GALNTL6: variants seen among roughly 807,000 people sequenced by gnomAD.
The protein encoded by GALNTL6 is polypeptide N-acetylgalactosaminyltransferase-like 6.
GALNTL6 carries 46 observed loss-of-function variants against 73.7 expected under a neutral mutation model. The observed-to-expected ratio is 0.62, with a 90% CI of 0.49 to 0.80. GALNTL6 has a LOEUF of 0.80. Among genes scored for constraint, GALNTL6 ranks in the 30% least tolerant of loss-of-function variants. GALNTL6 has a pLI of 0.00. For missense variants in GALNTL6, 604 were observed against 755.0 expected, an observed-to-expected ratio of 0.80 and a Z score of 2.34; for synonymous variants, 259 against 263.7, an observed-to-expected ratio of 0.98 and a Z score of 0.17.
chr4:171,813,692 C>A lies in GALNTL6; in HGVS notation c.-468C>A, dbSNP rs958093459. 1 of 152,320 alleles carries A rather than the reference C, an allele frequency of 6.6e-6. No individual in the cohort carries two copies. The highest frequency in any genetic ancestry group is 1.5e-5 in the Non-Finnish European group (1 of 68,174). The allele number at this position is 152,320 out of a possible 1,614,324, so 9.4% of individuals were successfully genotyped here. ...GTGAGAGCGTCACCGGGGGAAGGGA[C>A]GAGATTGATGGGCAGAGCGCTCACT... On this transcript the variant is annotated 5_prime_UTR_variant, in exon 1 of 13. Transcript: ENST00000506823. This position sits in a 1 kb window ranked among gnomAD's most constrained non-coding sequence, Gnocchi z 5.2.
intron 2 of GALNTL6, among the ~76,000 whole-genome samples, chr4:172,071,768 G>A (rs1731538278): frequency 2.4e-5 from 1 of 41,294 alleles, no homozygotes; most frequent in Admixed American, 2.6e-4. Flanking sequence ...AGGCGGAAGA[G>A]TGGGAAAGCT....
intron 10 of GALNTL6, among the ~76,000 whole-genome samples, chr4:173,001,010 T>C (rs1039075083): frequency 1.3e-5 from 2 of 152,156 alleles, no homozygotes; most frequent in African/African-American, 4.8e-5. Flanking sequence ...TCCAATATGA[T>C]TGGTGTCTTC....
At chr4:172,480,290 G>A (rs1733398576) in intron 5 of GALNTL6, among the ~76,000 whole-genome samples, 1 of 151,722 alleles carries the variant, frequency 6.6e-6, no homozygotes, top group African/African-American at 2.4e-5. Context: ...TCCAGCCTAG[G>A]CAACAGGGCG....
At chr4:172,057,719 AAAAAAAAAATATATAT>A (rs1345727429) in intron 2 of GALNTL6, among the ~76,000 whole-genome samples, 1 of 61,132 alleles carries the variant, frequency 1.6e-5, no homozygotes, top group African/African-American at 5.4e-5. Flanking sequence ...AAAAAAAAAA[AAAAAAAAAATATATAT>A]ATATATATAT....
chr4:171,930,429 C>T (rs1437592649), intron 2 of GALNTL6, among the ~76,000 whole-genome samples: 2 of 152,266 alleles, frequency 1.3e-5, no homozygotes, highest in East Asian at 3.9e-4. Flanking sequence ...AAGAAAGAGT[C>T]TCAACAAAGT....
At chr4:171,993,538 A>C (rs544400831) in intron 2 of GALNTL6, among the ~76,000 whole-genome samples, 1 of 152,266 alleles carries the variant, frequency 6.6e-6, no homozygotes, top group South Asian at 2.1e-4. Context: ...TTTTAACAAT[A>C]GATCAATTCT....
At chr4:172,659,895 A>G (rs547845142) in intron 5 of GALNTL6, among the ~76,000 whole-genome samples, 11 of 151,496 alleles carry the variant, frequency 7.3e-5, no homozygotes, top group South Asian at 2.1e-4. Context: ...CTGAAGATCA[A>G]CCCCCACAAT....
chr4:172,409,459 T>A (rs1295803692), intron 5 of GALNTL6, among the ~76,000 whole-genome samples: 1 of 152,088 alleles, frequency 6.6e-6, no homozygotes, highest in African/African-American at 2.4e-5. Flanking sequence ...TTTTATAGAT[T>A]ATTAGCCTCT....
intron 2 of GALNTL6, among the ~76,000 whole-genome samples, chr4:172,155,441 C>T (rs1328232600): frequency 1.3e-5 from 2 of 152,094 alleles, no homozygotes; most frequent in Non-Finnish European, 2.9e-5. Context: ...GGGGTTCAGC[C>T]TTCAGAACTG....
At chr4:171,844,696 G>C (rs2110849578) in intron 2 of GALNTL6, among the ~76,000 whole-genome samples, 1 of 152,208 alleles carries the variant, frequency 6.6e-6, no homozygotes, top group South Asian at 2.1e-4. Context: ...GAAAGCACTT[G>C]ATTTCTGTTT....
At position 171,947,365 on chromosome 4, in the gene GALNTL6, G is replaced by C. The variant is rs1000614531; in HGVS notation, c.138+132647G>C. 2.0e-5 allele frequency among the ~76,000 whole-genome samples: 3 copies of C among 152,228 alleles called. No individual in the cohort carries two copies. The South Asian group carries it at 6.2e-4, about 32-fold the overall frequency. On this transcript the variant is annotated intron_variant, in intron 2 of 12. Transcript: ENST00000506823. ...ATATGAATTATAGGTTGTAAGGGAA[G>C]AAACATCTGCACTGAGCATGGTTAG...
intron 2 of GALNTL6, among the ~76,000 whole-genome samples, chr4:171,849,696 G>A (rs1177924327): frequency 2.0e-5 from 3 of 152,032 alleles, no homozygotes; most frequent in Admixed American, 2.0e-4. Context: ...AAATTTACAA[G>A]ATATAGGAAT....
intron 5 of GALNTL6, among the ~76,000 whole-genome samples, chr4:172,756,098 G>T (rs1737733081): frequency 6.6e-6 from 1 of 152,170 alleles, no homozygotes; most frequent in South Asian, 2.1e-4. Flanking sequence ...GTGAGCACCA[G>T]AATTCTGGTA....
At chr4:172,523,858 A>G (rs1734864447) in intron 5 of GALNTL6, among the ~76,000 whole-genome samples, 1 of 152,152 alleles carries the variant, frequency 6.6e-6, no homozygotes, top group Admixed American at 6.5e-5. Flanking sequence ...ACATACCTAC[A>G]CATAACACAC....
chr4:172,194,527 T>A (rs2110886471), intron 2 of GALNTL6, among the ~76,000 whole-genome samples: 1 of 152,112 alleles, frequency 6.6e-6, no homozygotes, highest in East Asian at 1.9e-4. Flanking sequence ...GGAAAAAAAA[T>A]GTTAAGGGTA....
intron 2 of GALNTL6, among the ~76,000 whole-genome samples, chr4:172,179,493 T>C (rs1735164575): frequency 7.3e-6 from 1 of 137,274 alleles, no homozygotes; most frequent in Non-Finnish European, 1.5e-5. Context: ...ACCCACTTTT[T>C]GATGGGGTTG....
chr4:172,363,073 T>A (rs927009883), intron 5 of GALNTL6, among the ~76,000 whole-genome samples: 4 of 152,142 alleles, frequency 2.6e-5, no homozygotes, highest in Non-Finnish European at 5.9e-5. Context: ...CATGTCAAAG[T>A]CCACCCTCCC....
At chr4:172,206,775 G>GTTTTTTTTTTTTTTTTTTTTTT (rs1214874685) in intron 2 of GALNTL6, among the ~76,000 whole-genome samples, 1 of 79,788 alleles carries the variant, frequency 1.3e-5, no homozygotes. Flanking sequence ...GATGAAACGT[G>GTTTTTTTTTTTTTTTTTTTTTT]TTTTTTGTTT....
chr4:172,761,556 G>A (rs1738093556), intron 5 of GALNTL6, among the ~76,000 whole-genome samples: 1 of 152,146 alleles, frequency 6.6e-6, no homozygotes, highest in African/African-American at 2.4e-5. Context: ...GGAGTCTCAT[G>A]GGAGGTAACT....
Sources: allele counts gnomAD v4.1 joint callset (sites outside exome capture counted in the v4.1 genomes callset), GRCh38; gene constraint gnomAD v4.1.1; non-coding constraint Gnocchi (gnomAD v3.1); transcripts MANE v1.5; gene names NCBI Gene and HGNC (gene_info 2026-07-23, HGNC 2026-07-21).